Variants in GPHN observed in about 807,000 individuals in gnomAD.
The protein encoded by GPHN is gephyrin.
Under a neutral mutation model 95.5 loss-of-function variants are expected in GPHN, and 17 were observed. The ratio of observed to expected loss-of-function variants is 0.18; its 90% CI spans 0.12 to 0.27. The LOEUF (loss-of-function observed/expected upper bound fraction) is 0.27, where lower values mean the gene tolerates loss of function less well. GPHN is among the 10% of genes least tolerant of loss of function. GPHN has a pLI of 1.00. For missense variants in GPHN, 660 were observed against 978.1 expected, an observed-to-expected ratio of 0.67 and a Z score of 4.34; for synonymous variants, 320 against 322.5, an observed-to-expected ratio of 0.99 and a Z score of 0.08.
chr14:66,873,618 T>A (rs2063533482), intron 4 of GPHN, among the ~76,000 whole-genome samples: 2 of 152,210 alleles, frequency 1.3e-5, no homozygotes, highest in South Asian at 4.2e-4. Flanking sequence ...GTGGGCAGTT[T>A]TCCCCTCACA....
At chr14:67,209,991 G>T in the GPHN span, among the ~76,000 whole-genome samples, 1 of 152,020 alleles carries the variant, frequency 6.6e-6, no homozygotes, top group African/African-American at 2.4e-5. Flanking sequence ...AATAATTAAA[G>T]AAATACAAGT....
At chr14:67,537,027 G>C in the GPHN span, among the ~76,000 whole-genome samples, 1 of 150,276 alleles carries the variant, frequency 6.7e-6, no homozygotes, top group Non-Finnish European at 1.5e-5. Context: ...GTGACAGAGC[G>C]AGACTCCATC....
chr14:67,279,181 C>T, the GPHN span: 3 of 1,587,770 alleles, frequency 1.9e-6, no homozygotes, highest in African/African-American at 4.1e-5. Context: ...ATGACAACAT[C>T]CCATATGAAT....
chr14:66,537,668 G>C (rs572432012), intron 1 of GPHN, among the ~76,000 whole-genome samples: 17 of 151,544 alleles, frequency 1.1e-4, no homozygotes, highest in African/African-American at 3.6e-4. Context: ...ACAGTTCTTT[G>C]CTACCATCCA....
At chr14:67,225,173 G>T in the GPHN span, 1 of 1,580,632 alleles carries the variant, frequency 6.3e-7, no homozygotes, top group South Asian at 1.2e-5. Flanking sequence ...TGCCTCATCT[G>T]TCTGCCCCTT....
chr14:67,317,785 C>T, the GPHN span, among the ~76,000 whole-genome samples: 1 of 152,156 alleles, frequency 6.6e-6, no homozygotes, highest in Non-Finnish European at 1.5e-5. Flanking sequence ...AAAACTATGT[C>T]CTCTACAATA....
intron 2 of GPHN, among the ~76,000 whole-genome samples, chr14:66,731,524 C>T (rs1223627261): frequency 6.6e-6 from 1 of 152,174 alleles, no homozygotes; most frequent in Non-Finnish European, 1.5e-5. Context: ...TTTGCCCCTG[C>T]CCTAGAAATC....
chr14:67,563,066 G>A, the GPHN span, among the ~76,000 whole-genome samples: 1 of 152,352 alleles, frequency 6.6e-6, no homozygotes, highest in East Asian at 1.9e-4. Flanking sequence ...GAGGGTCAGC[G>A]CCAGAATTCA....
the GPHN span, among the ~76,000 whole-genome samples, chr14:67,725,896 T>C: frequency 6.6e-6 from 1 of 152,172 alleles, no homozygotes; most frequent in Non-Finnish European, 1.5e-5. Context: ...AATACCTTGT[T>C]TTAAAAGGAA....
chr14:67,504,079 T>C, the GPHN span, among the ~76,000 whole-genome samples: 27 of 151,992 alleles, frequency 1.8e-4, no homozygotes, highest in African/African-American at 6.0e-4. Flanking sequence ...AGTCGTGCGA[T>C]CTCGGCTCAC....
Position 67,079,816 on chromosome 14 carries a change from TTTAA to T in GPHN, c.1145-9164_1145-9161del, listed in dbSNP as rs371893175. Among the ~76,000 whole-genome samples, 94 of 152,192 alleles carry T rather than the reference TTTAA, an allele frequency of 6.2e-4. 2 individuals are homozygous for T. Among genetic ancestry groups the T allele is most frequent in the Admixed American group, 1.9e-3 (29 of 15,266 alleles). On this transcript the variant is annotated intron_variant, in intron 11 of 22. Coordinates refer to ENST00000478722, the MANE Select transcript of GPHN (RefSeq NM_020806.5). ...TACTTTTTTCTATTAATTTGACTAC[TTTAA>T]TTGTTTATTCATTCACCTATTAATG...
At chr14:66,723,616 G>C (rs1595694588) in intron 2 of GPHN, among the ~76,000 whole-genome samples, 1 of 152,004 alleles carries the variant, frequency 6.6e-6, no homozygotes, top group Non-Finnish European at 1.5e-5. Context: ...CATTTTTATT[G>C]TACATTTGAT....
intron 3 of GPHN, among the ~76,000 whole-genome samples, chr14:66,808,253 G>C (rs914335033): frequency 6.6e-6 from 1 of 151,912 alleles, no homozygotes; most frequent in Admixed American, 6.6e-5. Context: ...TTATTTATTG[G>C]TAGGTATTTC....
chr14:66,629,173 AT>A (rs2063663492), intron 1 of GPHN, among the ~76,000 whole-genome samples: 1 of 90,624 alleles, frequency 1.1e-5, no homozygotes. Context: ...ATATAAATAT[AT>A]ATATACATAT....
At chr14:67,405,224 C>CA in the GPHN span, among the ~76,000 whole-genome samples, 1,878 of 39,322 alleles carry the variant, frequency 0.048, 102 homozygotes, top group African/African-American at 0.13. Flanking sequence ...GAGTCCATCT[C>CA]AAAAAAAAAA....
At chr14:66,874,930 G>A (rs914929036) in intron 4 of GPHN, among the ~76,000 whole-genome samples, 7 of 152,188 alleles carry the variant, frequency 4.6e-5, no homozygotes, top group East Asian at 1.9e-4. Flanking sequence ...ACTCTTTGAG[G>A]AGAGCAACCC....
the GPHN span, among the ~76,000 whole-genome samples, chr14:67,696,037 C>T: frequency 6.6e-6 from 1 of 152,154 alleles, no homozygotes; most frequent in South Asian, 2.1e-4. Context: ...CAGATGAAAA[C>T]ACTGCTTTTT....
chr14:67,069,968 A>C (rs2076218216), intron 11 of GPHN, among the ~76,000 whole-genome samples: 2 of 152,214 alleles, frequency 1.3e-5, no homozygotes, highest in Non-Finnish European at 2.9e-5. Context: ...TTAAGTTTCT[A>C]CCTTCAGTCT....
intron 4 of GPHN, among the ~76,000 whole-genome samples, chr14:66,874,091 G>T (rs1192437838): frequency 6.6e-6 from 1 of 152,330 alleles, no homozygotes; most frequent in Non-Finnish European, 1.5e-5. Context: ...TGCAGCCTTT[G>T]CTAGTGATAC....
Sources: gnomAD v4.1 joint callset for allele counts (sites outside exome capture counted in the v4.1 genomes callset) on GRCh38, gnomAD v4.1.1 for gene constraint, MANE v1.5 for transcripts, NCBI Gene and HGNC (gene_info 2026-07-23, HGNC 2026-07-21) for gene names.